The following LAMA1 variants were observed in gnomAD, a reference collection of about 807,000 sequenced individuals.
The protein encoded by LAMA1 is laminin subunit alpha 1, also known as laminin subunit alpha-1.
LAMA1 carries 219 observed loss-of-function variants against 348.7 expected under a neutral mutation model. The observed-to-expected ratio is 0.63, with a 90% CI of 0.56 to 0.70. The LOEUF is 0.70. LAMA1 is among the 30% of genes least tolerant of loss of function. The pLI, the probability that LAMA1 is intolerant of heterozygous loss-of-function variation, is 0.00. For synonymous variants in LAMA1, 1,487 were observed against 1,491.0 expected, an observed-to-expected ratio of 1.00 and a Z score of 0.06; for missense variants, 3,744 against 3,888.0, an observed-to-expected ratio of 0.96 and a Z score of 0.99.
In LAMA1 at chr18:6,995,355, A is replaced by G. The variant is rs765675550; in HGVS notation, c.4896+2T>C. On this transcript the variant is annotated splice_donor_variant, in intron 34 of 62. Transcript: ENST00000389658. LOFTEE classifies it high-confidence loss of function. ...GGTTGGTTGGTTATGGAAAGAATTT[A>G]CCTTCTTTTGCAGGTTGTCCGTTTC... The G allele has an allele frequency of 6.2e-7, 1 of 1,608,522 alleles. No individual in the cohort carries two copies. Among genetic ancestry groups the G allele is most frequent in the Non-Finnish European group, 8.5e-7 (1 of 1,174,874 alleles).
intron 48 of LAMA1, among the ~76,000 whole-genome samples, chr18:6,969,716 G>A (rs2057649576): frequency 6.6e-6 from 1 of 152,182 alleles, no homozygotes; most frequent in South Asian, 2.1e-4. Flanking sequence ...CAAAAAGCCA[G>A]TCTCGAGTTG....
intron 46 of LAMA1, among the ~76,000 whole-genome samples, chr18:6,973,477 T>C (rs778194241): frequency 1.3e-5 from 2 of 152,178 alleles, no homozygotes; most frequent in Non-Finnish European, 2.9e-5. Context: ...CCGTAAATAT[T>C]ATCCCATTTT....
At chr18:6,973,868 C>T (rs143773330) in intron 46 of LAMA1, among the ~76,000 whole-genome samples, 2,179 of 152,326 alleles carry the variant, frequency 0.014, 22 homozygotes, top group Non-Finnish European at 0.023. Context: ...GCAGCCTTGA[C>T]CTCCTGTGCT....
At chr18:7,006,911 G>A (rs2057834602) in intron 29 of LAMA1, among the ~76,000 whole-genome samples, 1 of 152,082 alleles carries the variant, frequency 6.6e-6, no homozygotes, top group Non-Finnish European at 1.5e-5. Flanking sequence ...CCAAATTGAT[G>A]CCCACAGATA....
At position 7,012,142 on chromosome 18, in the gene LAMA1, CA is replaced by C; in HGVS notation, c.3364-5del. On this transcript the variant is annotated splice_polypyrimidine_tract_variant and splice_region_variant and intron_variant, in intron 23 of 62. Transcript: ENST00000389658. ...ACTGAGGACCAAAGACATTTTCCTA[CA>C]GGGGAGCAAATAAAGGACTCGTTTT... 1.9e-6 allele frequency: 3 copies of C among 1,613,872 alleles called. No individual in the cohort carries two copies. The highest frequency in any genetic ancestry group is 2.5e-6 in the Non-Finnish European group (3 of 1,179,918).
At chr18:6,980,119 G>A (rs114664746) in intron 42 of LAMA1, among the ~76,000 whole-genome samples, 3,031 of 152,254 alleles carry the variant, frequency 0.02, 51 homozygotes, top group African/African-American at 0.043. Context: ...ATGGCCAAGC[G>A]AGCAGTCTTC....
chr18:7,033,996 A>G (rs1164597776), intron 14 of LAMA1, among the ~76,000 whole-genome samples: 3 of 152,268 alleles, frequency 2.0e-5, no homozygotes, highest in East Asian at 3.9e-4. Context: ...TCGGCCTCCC[A>G]AAGTGCTGGG....
Position 6,999,609 on chromosome 18 carries a change from T to C in LAMA1, c.4499A>G (p.Gln1500Arg). 6.2e-7 allele frequency: 1 copy of C among 1,613,458 alleles called. No homozygotes were observed. The highest frequency in any genetic ancestry group is 8.5e-7 in the Non-Finnish European group (1 of 1,179,778). Residue 1500 changes from glutamine (Q) to arginine (R), a missense_variant, in exon 32 of 63, where the codon CAA (glutamine) becomes CGA (arginine). By Grantham distance (43) the Gln-to-Arg change is conservative. This residue lies in a region of LAMA1 where 1,983 missense variants were observed against 1,934.3 expected (regional missense o/e 1.03). Coordinates refer to ENST00000389658, the MANE Select transcript of LAMA1 (RefSeq NM_005559.4). ...CTTCTGGCAACTGCCACCTGGTGTTTGAGGGTTCCCATAATAGCTTGAGGA... is the reference window on the plus strand; with the variant it reads ...CTTCTGGCAACTGCCACCTGGTGTTCGAGGGTTCCCATAATAGCTTGAGGA... The part of the protein sequence containing the change: ...RCSSSYYGNP[Q>R]TPGGSCQKCD...
intron 1 of LAMA1, among the ~76,000 whole-genome samples, chr18:7,094,410 G>C (rs1050020418): frequency 7.6e-6 from 1 of 132,182 alleles, no homozygotes; most frequent in Admixed American, 8.4e-5. Context: ...TTGGGTGACA[G>C]AGCAAGACTC....
intron 1 of LAMA1, among the ~76,000 whole-genome samples, chr18:7,098,646 C>T (rs1443158628): frequency 1.3e-5 from 2 of 148,492 alleles, no homozygotes; most frequent in East Asian, 2.1e-4. Flanking sequence ...GGAGCCTCTC[C>T]GACCGGCAGC....
At chr18:6,946,300 A>C (rs1327575472) in intron 61 of LAMA1, among the ~76,000 whole-genome samples, 1 of 152,100 alleles carries the variant, frequency 6.6e-6, no homozygotes, top group Non-Finnish European at 1.5e-5. Context: ...TCATTTATAT[A>C]ACACTGGCAA....
At chr18:7,034,273 T>A (rs1052542071) in intron 14 of LAMA1, among the ~76,000 whole-genome samples, 1 of 152,228 alleles carries the variant, frequency 6.6e-6, no homozygotes, top group African/African-American at 2.4e-5. Flanking sequence ...TGTCTTCTAC[T>A]GGATACACTT....
intron 25 of LAMA1, among the ~76,000 whole-genome samples, chr18:7,011,068 AC>A (rs1481414101): frequency 6.6e-6 from 1 of 152,224 alleles, no homozygotes; most frequent in Non-Finnish European, 1.5e-5. Flanking sequence ...TTTAGGAAGA[AC>A]CAAATTAATA....
At chr18:6,963,567 T>C (rs2057618665) in intron 51 of LAMA1, among the ~76,000 whole-genome samples, 1 of 152,200 alleles carries the variant, frequency 6.6e-6, no homozygotes, top group African/African-American at 2.4e-5. Context: ...CTGCTCATCA[T>C]AGCAACTGAA....
At chr18:7,072,219 G>A (rs1207032618) in intron 3 of LAMA1, among the ~76,000 whole-genome samples, 1 of 152,130 alleles carries the variant, frequency 6.6e-6, no homozygotes. Flanking sequence ...ATTCTATTAA[G>A]GCCTGGTTTA....
intron 13 of LAMA1, among the ~76,000 whole-genome samples, chr18:7,035,035 A>G (rs2057988118): frequency 1.3e-5 from 2 of 152,248 alleles, no homozygotes. Flanking sequence ...GTATGTAAAC[A>G]TAGCTCCAGC....
rs759500000 is a variant in LAMA1 at position 6,943,421 on chromosome 18, G to A, written c.8845-19C>T. The A allele has an allele frequency of 1.3e-5, 20 of 1,594,722 alleles. No homozygotes were observed. The highest frequency in any genetic ancestry group is 1.6e-4 in the Middle Eastern group (1 of 6,068). ...ACAAGACCTAAAAGCAAATATCTTG[G>A]TGAGTTTTTGTGTATTTAAGGAACA... On this transcript the variant is annotated intron_variant, in intron 61 of 62. Transcript: ENST00000389658.
At chr18:7,054,746 TTCC>T (rs778037397) in intron 3 of LAMA1, among the ~76,000 whole-genome samples, 3 of 152,066 alleles carry the variant, frequency 2.0e-5, no homozygotes, top group Non-Finnish European at 2.9e-5. Flanking sequence ...CCAACCCCTC[TTCC>T]TCCTCCTCCT....
intron 11 of LAMA1, chr18:7,038,516 G>T (rs952894022): frequency 6.9e-5 from 31 of 448,118 alleles, no homozygotes; most frequent in Non-Finnish European, 1.2e-5. Context: ...GGCGGAGGGA[G>T]AGCCGACCTC....
Sources: gnomAD v4.1 joint callset for allele counts (sites outside exome capture counted in the v4.1 genomes callset) on GRCh38, gnomAD v4.1.1 for gene constraint, gnomAD v4.1.1 regional missense constraint, MANE v1.5 for transcripts, NCBI Gene and HGNC (gene_info 2026-07-23, HGNC 2026-07-21) for gene names.